OSBP: variants seen among roughly 807,000 people sequenced by gnomAD.
The protein encoded by OSBP is oxysterol binding protein.
A neutral mutation model predicts 96.6 loss-of-function variants in OSBP; 32 were observed. The ratio of observed to expected loss-of-function variants is 0.33; its 90% CI spans 0.25 to 0.45. The LOEUF (loss-of-function observed/expected upper bound fraction) is 0.45, where lower values mean the gene tolerates loss of function less well. Ranked by LOEUF, OSBP falls within the 20% of genes least tolerant of loss-of-function variation. The pLI, the probability that OSBP is intolerant of heterozygous loss-of-function variation, is 1.00. For synonymous variants in OSBP, 369 were observed against 389.6 expected (o/e 0.95, Z 0.62); for missense variants, 653 against 1,029.7 (o/e 0.63, Z 5.01).
At chr11:59,601,615 G>A in intron 4 of OSBP, 25 bp downstream of exon 4, 1 of 1,608,398 alleles carries the variant, frequency 6.2e-7, no homozygotes, top group Non-Finnish European at 8.5e-7. Context: ...CTTAGACCAG[G>A]CTACCTGAGA....
In OSBP at chr11:59,615,314, C is replaced by T. The variant is rs1396776982; in HGVS notation, c.351G>A (p.Leu117=). The part of the protein sequence containing the change: ...RRWFVLSNGL[L]SYYRSKAEMR... ...CCGGAAGCAGTTACCTGTAGTAGCT[C>T]AGGAGCCCGTTGCTCAGCACGAACC... The change falls in exon 1 of 14, where the codon CTG becomes CTA. Residue 117 remains leucine, a synonymous_variant. Coordinates refer to ENST00000263847, the MANE Select transcript of OSBP (RefSeq NM_002556.3). The T allele has an allele frequency of 6.2e-7, 1 of 1,602,446 alleles. No homozygotes were observed. Among genetic ancestry groups the T allele is most frequent in the Non-Finnish European group, 8.5e-7 (1 of 1,172,772 alleles).
rs1463734084 is a variant in OSBP, at chr11:59,575,528, A to G, written c.*1049T>C. The G allele has an allele frequency of 6.6e-6, 1 of 152,634 alleles. No homozygotes were observed. The highest frequency in any genetic ancestry group is 1.5e-5 in the Non-Finnish European group (1 of 68,046). The allele number at this position is 152,634 out of a possible 1,614,324, so 9.5% of individuals were successfully genotyped here. On this transcript the variant is annotated 3_prime_UTR_variant, in exon 14 of 14. Transcript: ENST00000263847. ...AAAAATTAGATTTTTCTCTACATAT[A>G]TATAATATACAGATATTTAACACAT...
At chr11:59,599,351 T>C (rs184274729) in intron 7 of OSBP, among the ~76,000 whole-genome samples, 2 of 152,360 alleles carry the variant, frequency 1.3e-5, no homozygotes, top group African/African-American at 4.8e-5. Context: ...TCTTAGATGG[T>C]AGCCAGAGTT....
intron 3 of OSBP, among the ~76,000 whole-genome samples, chr11:59,604,357 G>A (rs1242821080): frequency 6.6e-6 from 1 of 151,998 alleles, no homozygotes; most frequent in Non-Finnish European, 1.5e-5. Context: ...GATCAGCCTG[G>A]ACAACATACA....
At chr11:59,590,779 A>C (rs1397344544) in intron 9 of OSBP, among the ~76,000 whole-genome samples, 1 of 152,182 alleles carries the variant, frequency 6.6e-6, no homozygotes, top group Non-Finnish European at 1.5e-5. Flanking sequence ...TCTCTCTGAG[A>C]ATTGAGTGCC....
intron 11 of OSBP, 83 bp downstream of exon 11, chr11:59,580,091 G>T: frequency 1.1e-6 from 1 of 891,204 alleles, no homozygotes; most frequent in Non-Finnish European, 1.9e-6. Context: ...CACCCCACAT[G>T]TATATACATT....
intron 1 of OSBP, among the ~76,000 whole-genome samples, chr11:59,612,723 G>A (rs759563024): frequency 1.2e-4 from 19 of 152,136 alleles, no homozygotes; most frequent in Non-Finnish European, 2.4e-4. Flanking sequence ...TACAATATTA[G>A]GTGGTATTTT....
chr11:59,615,709 A>G lies in OSBP; in HGVS notation c.-45T>C, dbSNP rs764188615. 1 of 1,262,008 alleles carries G rather than the reference A, an allele frequency of 7.9e-7. No homozygotes were observed. The highest frequency in any genetic ancestry group is 1.0e-6 in the Non-Finnish European group (1 of 1,004,912). The allele number at this position is 1,262,008 out of a possible 1,614,324, so 78.2% of individuals were successfully genotyped here. ...ATACAAGACCGGAACCGCCTACGAG[A>G]GCCGCCGTCGCCGCCCGGAGCGCCC... On this transcript the variant is annotated 5_prime_UTR_variant, in exon 1 of 14. Coordinates refer to ENST00000263847, the MANE Select transcript of OSBP (RefSeq NM_002556.3).
intron 9 of OSBP, 182 bp downstream of exon 9, chr11:59,593,422 T>C (rs1016171958): frequency 1.6e-6 from 1 of 610,864 alleles, no homozygotes. Context: ...CCTTAAAGAG[T>C]TTCTAGCCTC....
At chr11:59,592,383 T>C (rs941726455) in intron 9 of OSBP, among the ~76,000 whole-genome samples, 4 of 152,348 alleles carry the variant, frequency 2.6e-5, no homozygotes, top group African/African-American at 7.2e-5. Flanking sequence ...TGCACTATGT[T>C]TGCTGCATTT....
At chr11:59,598,245 A>AG (rs1333213506) in intron 7 of OSBP, among the ~76,000 whole-genome samples, 1 of 152,254 alleles carries the variant, frequency 6.6e-6, no homozygotes, top group Non-Finnish European at 1.5e-5. Context: ...CTAAGCATCA[A>AG]GGTTATAAAC....
rs1003895071 is a variant in OSBP, at chr11:59,575,891, C to G, written c.*686G>C. On this transcript the variant is annotated 3_prime_UTR_variant, in exon 14 of 14. Transcript: ENST00000263847. Reference sequence around the variant, plus strand: ...CAATGACCAAAGTGGTCTCCAGTTGCTATTAAAGATGATGGAGAACAACAG... The same window carrying G: ...CAATGACCAAAGTGGTCTCCAGTTGGTATTAAAGATGATGGAGAACAACAG... 6.6e-6 allele frequency: 1 copy of G among 152,142 alleles called. No homozygotes were observed. Among genetic ancestry groups the G allele is most frequent in the African/African-American group, 2.4e-5 (1 of 41,424 alleles). 9.4% of individuals were successfully genotyped at this position (152,142 alleles called of 1,614,324 possible).
chr11:59,585,986 G>A (rs1347552368), intron 9 of OSBP, among the ~76,000 whole-genome samples: 5 of 152,024 alleles, frequency 3.3e-5, no homozygotes, highest in Admixed American at 6.6e-5. Flanking sequence ...GTTAAGAGTC[G>A]TCACCACTCC....
At chr11:59,581,400 T>C (rs1046763128) in intron 10 of OSBP, 51 bp downstream of exon 10, 17 of 1,036,092 alleles carry the variant, frequency 1.6e-5, no homozygotes, top group Non-Finnish European at 2.4e-5. Context: ...GAAATATACC[T>C]AAAGAAGTAT....
At chr11:59,580,534 TAC>T (rs1860408193) in intron 10 of OSBP, among the ~76,000 whole-genome samples, 6 of 152,198 alleles carry the variant, frequency 3.9e-5, no homozygotes, top group Non-Finnish European at 8.8e-5. Context: ...TATACTGAAG[TAC>T]ACATGATAAT....
intron 9 of OSBP, among the ~76,000 whole-genome samples, chr11:59,588,354 T>C (rs1860528022): frequency 6.6e-6 from 1 of 150,544 alleles, no homozygotes; most frequent in South Asian, 2.1e-4. Context: ...GCCAACATGG[T>C]GAAACCCCAT....
Position 59,615,617 on chromosome 11 carries a change from G to A in OSBP, c.48C>T (p.Ala16=), listed in dbSNP as rs1860917962. Reference sequence around the variant, plus strand: ...CGCCGCCGCCGCCAAGTGCTGCAATGGCTGCCGGGCCTGGCCCCACCACTC... The same window carrying A: ...CGCCGCCGCCGCCAAGTGCTGCAATAGCTGCCGGGCCTGGCCCCACCACTC... ...LRGVVGPGPA[A]IAALGGGGAG... is the part of the protein sequence containing the mutation. Residue 16 remains alanine (A), a synonymous_variant, in exon 1 of 14, where the codon GCC becomes GCT. Transcript: ENST00000263847. 7.2e-6 allele frequency: 10 copies of A among 1,379,522 alleles called. No individual in the cohort carries two copies. The highest frequency in any genetic ancestry group is 9.4e-6 in the Non-Finnish European group (10 of 1,065,016). 85.5% of individuals were successfully genotyped at this position (1,379,522 alleles called of 1,614,324 possible). A position where few individuals can be genotyped will look rare whatever the true frequency, so the allele number is the denominator to read the frequency against.
At chr11:59,589,306 G>C (rs1418204647) in intron 9 of OSBP, among the ~76,000 whole-genome samples, 1 of 148,286 alleles carries the variant, frequency 6.7e-6, no homozygotes, top group Non-Finnish European at 1.5e-5. Context: ...TTAATTAAAT[G>C]TATCTTTTTG....
In OSBP at chr11:59,581,465, A is replaced by G. The variant is rs1565114027; in HGVS notation, c.1768T>C (p.Leu590=). 1.9e-6 allele frequency: 3 copies of G among 1,608,008 alleles called. No individual in the cohort carries two copies. Among genetic ancestry groups the G allele is most frequent in the South Asian group, 1.1e-5 (1 of 90,770 alleles). ...CCTTTCCTCACCTGATCTATCCACA[A>G]CTTGCCCACAATAATGTTGTGTACA... ...TTVHNIIVGK[L]WIDQSGEIDI... The change falls in exon 10 of 14, where the codon TTG becomes CTG. Residue 590 remains leucine (L), a synonymous_variant. Transcript: ENST00000263847.
Sources: allele counts gnomAD v4.1 joint callset (sites outside exome capture counted in the v4.1 genomes callset), GRCh38; gene constraint gnomAD v4.1.1; transcripts MANE v1.5; gene names NCBI Gene and HGNC (gene_info 2026-07-23, HGNC 2026-07-21).